The following ST7 variants were observed in gnomAD, a reference collection of about 807,000 sequenced individuals.
ST7 encodes suppressor of tumorigenicity 7 protein.
In ST7, 28 loss-of-function variants were observed where a neutral mutation model predicts 78.7. The observed-to-expected ratio is 0.36, with a 90% CI of 0.26 to 0.49. The LOEUF (loss-of-function observed/expected upper bound fraction) is 0.49, where lower values mean the gene tolerates loss of function less well. ST7 is among the 20% of genes least tolerant of loss of function. The pLI, the probability that ST7 is intolerant of heterozygous loss-of-function variation, is 0.99. For synonymous variants in ST7, 247 were observed against 249.6 expected (o/e 0.99, Z 0.10); for missense variants, 418 against 696.0 (o/e 0.60, Z 4.49).
intron 3 of ST7, among the ~76,000 whole-genome samples, chr7:117,126,468 G>T (rs1317194821): frequency 6.6e-6 from 1 of 151,814 alleles, no homozygotes; most frequent in Non-Finnish European, 1.5e-5. Context: ...GCTTCTTCAG[G>T]TGGGTGCCAG....
At chr7:117,096,523 T>C (rs1046149797) in intron 1 of ST7, among the ~76,000 whole-genome samples, 3 of 152,250 alleles carry the variant, frequency 2.0e-5, no homozygotes, top group Admixed American at 2.0e-4. Flanking sequence ...CTGAAGGCTT[T>C]TCAGTAATAT....
At chr7:117,130,920 C>T (rs1804294930) in intron 5 of ST7, among the ~76,000 whole-genome samples, 1 of 151,680 alleles carries the variant, frequency 6.6e-6, no homozygotes, top group African/African-American at 2.4e-5. Flanking sequence ...AGCATGAAGG[C>T]CTTATCTCCT....
intron 1 of ST7, among the ~76,000 whole-genome samples, chr7:117,015,397 G>A (rs1044866755): frequency 2.6e-5 from 4 of 152,196 alleles, no homozygotes; most frequent in African/African-American, 9.6e-5. Flanking sequence ...TTCTGTTATT[G>A]TGGTGGTGGT....
intron 9 of ST7, among the ~76,000 whole-genome samples, chr7:117,158,764 A>G (rs1222751866): frequency 6.6e-6 from 1 of 152,180 alleles, no homozygotes; most frequent in Non-Finnish European, 1.5e-5. Flanking sequence ...TCTTCTGTTC[A>G]TGGCCCTTAG....
rs1376805631 is a variant in ST7, at chr7:117,218,992, C to T, written c.1406-92C>T. 4.2e-6 allele frequency: 4 copies of T among 944,184 alleles called. No individual in the cohort carries two copies. In the Admixed American group the frequency reaches 8.0e-5, roughly 19 times the overall value. 58.5% of individuals were successfully genotyped at this position (944,184 alleles called of 1,614,324 possible). On this transcript the variant is annotated intron_variant, in intron 13 of 15. Transcript: ENST00000323984. Reference sequence around the variant, plus strand: ...CTTGCCTCCTTTGTAGAAGTGTTCCCTGTTATAAAAATGCTCAAACGCCCC... The same window carrying T: ...CTTGCCTCCTTTGTAGAAGTGTTCCTTGTTATAAAAATGCTCAAACGCCCC...
chr7:116,991,903 A>G (rs1035692763), intron 1 of ST7, among the ~76,000 whole-genome samples: 1 of 152,176 alleles, frequency 6.6e-6, no homozygotes, highest in Non-Finnish European at 1.5e-5. Context: ...ATTGGCCAAA[A>G]CAAAGGGGTT....
chr7:117,053,886 C>T (rs62470806), intron 1 of ST7, among the ~76,000 whole-genome samples: 24,955 of 151,506 alleles, frequency 0.16, 2,450 homozygotes, highest in Non-Finnish European at 0.23. Flanking sequence ...TGCTCTGTTA[C>T]CCAGGCTGGA....
intron 1 of ST7, chr7:116,956,568 C>T (rs937243182): frequency 6.4e-6 from 3 of 471,066 alleles, no homozygotes; most frequent in Admixed American, 2.3e-5. Flanking sequence ...AATCAGGCAG[C>T]CAGGAGCCAG....
At chr7:117,084,423 A>G (rs1799992046) in intron 1 of ST7, among the ~76,000 whole-genome samples, 1 of 152,214 alleles carries the variant, frequency 6.6e-6, no homozygotes, top group Non-Finnish European at 1.5e-5. Context: ...ATGCTTGGGT[A>G]CAAGCTTTAT....
chr7:117,094,490 T>C (rs1435770221), intron 1 of ST7, among the ~76,000 whole-genome samples: 1 of 152,222 alleles, frequency 6.6e-6, no homozygotes, highest in African/African-American at 2.4e-5. Context: ...GCTTATCCGA[T>C]GACTTGCTTC....
chr7:117,106,883 G>T (rs532213270), intron 2 of ST7, among the ~76,000 whole-genome samples: 45 of 152,208 alleles, frequency 3.0e-4, no homozygotes, highest in African/African-American at 1.0e-3. Context: ...GCCTCCCAAA[G>T]TGCTGGGATT....
Position 117,099,781 on chromosome 7 carries a change from A to C in ST7, c.171A>C (p.Thr57=), listed in dbSNP as rs368520848. The change falls in exon 2 of 16, where the codon ACA becomes ACC. Residue 57 remains threonine, a synonymous_variant. Transcript: ENST00000323984. ...NLSTVSMFLN[T]LTPKFYVALT... ...TTTCAGTGAGCATGTTTTTGAACACATTAACACCGAAGTTCTACGTGGCCC... is the reference window on the plus strand; with the variant it reads ...TTTCAGTGAGCATGTTTTTGAACACCTTAACACCGAAGTTCTACGTGGCCC... The C allele has an allele frequency of 1.3e-5, 21 of 1,613,548 alleles. No homozygotes were observed. The highest frequency in any genetic ancestry group is 1.8e-5 in the Non-Finnish European group (21 of 1,179,780).
intron 9 of ST7, 134 bp from the exon 10 acceptor site, chr7:117,170,728 C>A: frequency 3.2e-6 from 1 of 308,506 alleles, no homozygotes; most frequent in Admixed American, 5.0e-5. Flanking sequence ...ATGCTTAACT[C>A]TAGTAATCAT....
At chr7:116,960,593 G>A (rs4385396) in intron 1 of ST7, among the ~76,000 whole-genome samples, 26 of 152,234 alleles carry the variant, frequency 1.7e-4, no homozygotes, top group African/African-American at 5.8e-4. Flanking sequence ...AATCTTTCTT[G>A]TACTACTGTG....
At chr7:117,161,202 A>G (rs777481803) in intron 9 of ST7, among the ~76,000 whole-genome samples, 1 of 152,154 alleles carries the variant, frequency 6.6e-6, no homozygotes, top group Non-Finnish European at 1.5e-5. Context: ...GAAAATAAGA[A>G]AACAAATCAA....
chr7:117,129,535 A>C (rs771162332), intron 3 of ST7, among the ~76,000 whole-genome samples: 1 of 151,934 alleles, frequency 6.6e-6, no homozygotes, highest in Non-Finnish European at 1.5e-5. Context: ...GTTATGAACT[A>C]GCTGATTTTG....
At chr7:117,186,724 A>G (rs1809294769) in intron 10 of ST7, among the ~76,000 whole-genome samples, 1 of 152,224 alleles carries the variant, frequency 6.6e-6, no homozygotes, top group Non-Finnish European at 1.5e-5. Context: ...TGATATGTGC[A>G]CAATACATTT....
chr7:117,208,269 A>G (rs1230083312), intron 12 of ST7, among the ~76,000 whole-genome samples: 1 of 152,172 alleles, frequency 6.6e-6, no homozygotes, highest in East Asian at 1.9e-4. Context: ...TCTAGAACTC[A>G]TGTTTGAGGA....
At chr7:116,981,091 A>G in intron 1 of ST7, among the ~76,000 whole-genome samples, 1 of 151,926 alleles carries the variant, frequency 6.6e-6, no homozygotes, top group East Asian at 1.9e-4. Context: ...ATACCATTCA[A>G]TTTGAATTTG....
Sources: allele counts gnomAD v4.1 joint callset (sites outside exome capture counted in the v4.1 genomes callset), GRCh38; gene constraint gnomAD v4.1.1; transcripts MANE v1.5; gene names NCBI Gene and HGNC (gene_info 2026-07-23, HGNC 2026-07-21).